The following CASS4 variants were observed in gnomAD, a reference collection of about 807,000 sequenced individuals.
The protein encoded by CASS4 is cas scaffolding protein family member 4.
A neutral mutation model predicts 54.2 loss-of-function variants in CASS4; 22 were observed. The observed-to-expected ratio is 0.41, with a 90% CI of 0.29 to 0.58. The LOEUF is 0.58. Among genes scored for constraint, CASS4 ranks in the 20% least tolerant of loss-of-function variants. The pLI is 0.36. For missense variants in CASS4, 854 were observed against 986.7 expected, an observed-to-expected ratio of 0.87 and a Z score of 1.80; for synonymous variants, 409 against 391.5, an observed-to-expected ratio of 1.04 and a Z score of -0.53.
At chr20:56,454,795 C>T (rs1368495546) in intron 5 of CASS4, among the ~76,000 whole-genome samples, 1 of 152,188 alleles carries the variant, frequency 6.6e-6, no homozygotes. Flanking sequence ...TTGCTAGATT[C>T]GTCTCATCAT....
chr20:56,435,636 G>C (rs1980116137), intron 1 of CASS4, among the ~76,000 whole-genome samples: 1 of 152,206 alleles, frequency 6.6e-6, no homozygotes, highest in African/African-American at 2.4e-5. Context: ...GAACTGTGTG[G>C]CTAACTGAAA....
chr20:56,415,446 A>AG (rs1979085183), intron 1 of CASS4, among the ~76,000 whole-genome samples: 1 of 152,228 alleles, frequency 6.6e-6, no homozygotes, highest in African/African-American at 2.4e-5. Context: ...CAATGCATCT[A>AG]TAAGATACAT....
chr20:56,415,593 T>C (rs1012461580), intron 1 of CASS4, among the ~76,000 whole-genome samples: 3 of 152,244 alleles, frequency 2.0e-5, no homozygotes, highest in African/African-American at 7.2e-5. Flanking sequence ...ATGCCTACAT[T>C]GTTGCTCAAT....
intron 2 of CASS4, among the ~76,000 whole-genome samples, chr20:56,444,194 T>C (rs16979927): frequency 0.066 from 10,103 of 152,204 alleles, 744 homozygotes; most frequent in African/African-American, 0.18. Context: ...AAATCTAGCA[T>C]GTACATTCCC....
chr20:56,426,267 C>G (rs932328540), intron 1 of CASS4, among the ~76,000 whole-genome samples: 5 of 152,206 alleles, frequency 3.3e-5, no homozygotes, highest in African/African-American at 1.2e-4. Flanking sequence ...TTACTCATCT[C>G]CTAAATGAGA....
At chr20:56,441,981 C>A (rs1386506521) in intron 2 of CASS4, among the ~76,000 whole-genome samples, 1 of 152,188 alleles carries the variant, frequency 6.6e-6, no homozygotes, top group African/African-American at 2.4e-5. Flanking sequence ...GTCATCTAGC[C>A]ATTAACCCTG....
intron 1 of CASS4, among the ~76,000 whole-genome samples, chr20:56,436,518 A>G (rs890136005): frequency 2.0e-5 from 3 of 151,954 alleles, no homozygotes; most frequent in African/African-American, 7.3e-5. Flanking sequence ...TATTACTATT[A>G]TTACCATTTT....
intron 1 of CASS4, among the ~76,000 whole-genome samples, chr20:56,416,506 T>A (rs1979143412): frequency 6.6e-6 from 1 of 150,932 alleles, no homozygotes; most frequent in African/African-American, 2.5e-5. Context: ...CAGTCCTGTT[T>A]GCTATAAATT....
chr20:56,421,861 G>A (rs997217327), intron 1 of CASS4, among the ~76,000 whole-genome samples: 21 of 152,272 alleles, frequency 1.4e-4, no homozygotes, highest in African/African-American at 4.8e-4. Context: ...GGGAAGGAAA[G>A]GAAAGGAAGT....
intron 5 of CASS4, among the ~76,000 whole-genome samples, chr20:56,457,121 C>T (rs142279519): frequency 6.6e-6 from 1 of 152,316 alleles, no homozygotes; most frequent in East Asian, 1.9e-4. Flanking sequence ...GGTGCTTCTT[C>T]GAAGTATGCC....
intron 3 of CASS4, 99 bp downstream of exon 3, chr20:56,446,100 C>A: frequency 1.3e-6 from 1 of 750,878 alleles, no homozygotes; most frequent in Non-Finnish European, 2.2e-6. Context: ...ATTACCATGG[C>A]GGCCAGGGGC....
chr20:56,446,305 G>C (rs1211224751), intron 3 of CASS4, among the ~76,000 whole-genome samples: 1 of 152,044 alleles, frequency 6.6e-6, no homozygotes, highest in Non-Finnish European at 1.5e-5. Flanking sequence ...TGACCAGGCT[G>C]GTCTCGAACT....
At chr20:56,454,323 T>C (rs1175730966) in intron 5 of CASS4, among the ~76,000 whole-genome samples, 2 of 152,264 alleles carry the variant, frequency 1.3e-5, no homozygotes, top group African/African-American at 4.8e-5. Context: ...GTCAAGGAGA[T>C]AATTTGCTAC....
At chr20:56,445,796 G>C (rs1322580970) in intron 2 of CASS4, 104 bp from the exon 3 acceptor site, 1 of 879,788 alleles carries the variant, frequency 1.1e-6, no homozygotes, top group Non-Finnish European at 1.8e-6. Flanking sequence ...CCCTTCAGCA[G>C]TATCCACCCA....
chr20:56,436,360 G>GTATA (rs374578148), intron 1 of CASS4, among the ~76,000 whole-genome samples: 192 of 137,852 alleles, frequency 1.4e-3, no homozygotes, highest in African/African-American at 4.7e-3. Flanking sequence ...GTGTGTGTGT[G>GTATA]TATATATATA....
At chr20:56,434,935 T>C (rs1017154172) in intron 1 of CASS4, among the ~76,000 whole-genome samples, 14 of 152,198 alleles carry the variant, frequency 9.2e-5, no homozygotes, top group African/African-American at 3.4e-4. Flanking sequence ...CTGCAGGCAT[T>C]TTAATTTTCT....
chr20:56,445,579 C>T lies in CASS4; in HGVS notation c.460-321C>T, dbSNP rs370929246. Among the ~76,000 whole-genome samples the T allele has an allele frequency of 1.4e-4, 21 of 152,340 alleles. No individual in the cohort carries two copies. In the East Asian group the frequency reaches 2.3e-3, roughly 17 times the overall value. On this transcript the variant is annotated intron_variant, in intron 2 of 5. Coordinates refer to ENST00000679887, the MANE Select transcript of CASS4 (RefSeq NM_020356.4). ...CAAGCTTGTTAACACTGCAGGTTCC[C>T]GGCCCCCCTCGACACCCAGAGACTC...
chr20:56,451,939 G>A lies in CASS4; in HGVS notation c.763G>A (p.Val255Ile), dbSNP rs73159591. 2.6e-5 allele frequency: 42 copies of A among 1,614,186 alleles called. No homozygotes were observed. Among genetic ancestry groups the A allele is most frequent in the Admixed American group, 1.3e-4 (8 of 60,018 alleles). ...DTPVSPGKAS[V>I]RNTPLTSFAE... ...TCCAGTGTCTCCAGGAAAGGCCAGC[G>A]TCAGAAACACGCCTCTCACCAGCTT... Residue 255 changes from valine (V) to isoleucine (I), a missense_variant, in exon 5 of 6, where the codon GTC becomes ATC. Coordinates refer to ENST00000679887, the MANE Select transcript of CASS4 (RefSeq NM_020356.4).
rs1244388166 is a variant in CASS4 at position 56,459,476 on chromosome 20, C to T, written c.*729C>T. On this transcript the variant is annotated 3_prime_UTR_variant, in exon 6 of 6. Transcript: ENST00000679887. ...TTCAATGTCTCCTTTTGGAGTTGTA[C>T]CTGATTTTATTACCAGTTTTCATCT... 3.6e-6 allele frequency: 1 copy of T among 276,440 alleles called. No homozygotes were observed. The highest frequency in any genetic ancestry group is 4.8e-5 in the South Asian group (1 of 20,768). 17.1% of individuals were successfully genotyped at this position (276,440 alleles called of 1,614,324 possible). A position where few individuals can be genotyped will look rare whatever the true frequency, so the allele number is the denominator to read the frequency against.
Sources: allele counts gnomAD v4.1 joint callset (sites outside exome capture counted in the v4.1 genomes callset), GRCh38; gene constraint gnomAD v4.1.1; transcripts MANE v1.5; gene names NCBI Gene and HGNC (gene_info 2026-07-23, HGNC 2026-07-21).